REEP1: variants seen among roughly 807,000 people sequenced by gnomAD.
REEP1 encodes receptor expression-enhancing protein 1.
REEP1 carries 22 observed loss-of-function variants against 40.3 expected under a neutral mutation model. The observed-to-expected ratio is 0.55, with a 90% confidence interval of 0.39 to 0.78. The LOEUF is 0.78. Ranked by LOEUF, REEP1 falls within the 30% of genes least tolerant of loss-of-function variation. The pLI, the probability that REEP1 is intolerant of heterozygous loss-of-function variation, is 0.00. For synonymous variants in REEP1, 116 were observed against 139.2 expected, an observed-to-expected ratio of 0.83 and a Z score of 1.17; for missense variants, 280 against 361.1, an observed-to-expected ratio of 0.78 and a Z score of 1.82.
At chr2:86,218,066 C>T (rs999955743) in intron 8 of REEP1, among the ~76,000 whole-genome samples, 1 of 152,244 alleles carries the variant, frequency 6.6e-6, no homozygotes, top group South Asian at 2.1e-4. Context: ...CCATTCATGC[C>T]TCTATTCCTT....
At chr2:86,297,866 C>T (rs1490878234) in intron 1 of REEP1, 6 of 225,740 alleles carry the variant, frequency 2.7e-5, no homozygotes, top group Non-Finnish European at 4.4e-5. Flanking sequence ...AAACAACTGA[C>T]AAGTTCACAC....
At chr2:86,295,178 C>G (rs1488230786) in intron 1 of REEP1, among the ~76,000 whole-genome samples, 1 of 152,252 alleles carries the variant, frequency 6.6e-6, no homozygotes, top group Non-Finnish European at 1.5e-5. Flanking sequence ...ACAAATGCAG[C>G]TCGCAGCTGC....
chr2:86,246,770 C>T (rs1474357331), intron 5 of REEP1, among the ~76,000 whole-genome samples: 3 of 145,238 alleles, frequency 2.1e-5, no homozygotes, highest in South Asian at 2.2e-4. Flanking sequence ...GGTGTGATCT[C>T]GGCTTACCGC....
intron 3 of REEP1, among the ~76,000 whole-genome samples, chr2:86,259,566 T>C (rs1676748428): frequency 6.6e-6 from 1 of 151,862 alleles, no homozygotes; most frequent in Admixed American, 6.6e-5. Context: ...TTTGTATTTT[T>C]TAGTAGAAAC....
At chr2:86,217,959 C>T (rs1451967034) in intron 8 of REEP1, among the ~76,000 whole-genome samples, 1 of 152,068 alleles carries the variant, frequency 6.6e-6, no homozygotes, top group African/African-American at 2.4e-5. Context: ...TGGCACAGCA[C>T]TTGAGGGGGT....
intron 2 of REEP1, among the ~76,000 whole-genome samples, chr2:86,278,195 C>T (rs574711182): frequency 2.0e-5 from 3 of 152,288 alleles, no homozygotes; most frequent in South Asian, 2.1e-4. Flanking sequence ...GAACTCATGA[C>T]CAGTTGCATG....
chr2:86,271,929 A>C (rs769268624), intron 2 of REEP1, among the ~76,000 whole-genome samples: 8 of 152,152 alleles, frequency 5.3e-5, no homozygotes, highest in Non-Finnish European at 1.2e-4. Flanking sequence ...AATTTTAAAA[A>C]TCCCTCTCCT....
rs191458661 is a variant in REEP1 at position 86,322,761 on chromosome 2, T to C, written c.32+14718A>G. Among the ~76,000 whole-genome samples the C allele has an allele frequency of 2.6e-3, 392 of 152,158 alleles. 3 individuals are homozygous for C. The highest frequency in any genetic ancestry group is 8.9e-3 in the African/African-American group (370 of 41,514). On this transcript the variant is annotated intron_variant, in intron 1 of 8. Transcript: ENST00000538924. The stretch of plus-strand genomic sequence containing the variant: ...TAGTCACTGCACCTGGCCCCCAATT[T>C]TTTTTTTAATTATCTGGGCGTGGTG...
intron 1 of REEP1, among the ~76,000 whole-genome samples, chr2:86,332,241 C>A (rs1217239969): frequency 1.3e-5 from 2 of 152,064 alleles, no homozygotes; most frequent in African/African-American, 4.8e-5. Flanking sequence ...AGGAGAACAT[C>A]CTTAGTGCCC....
chr2:86,230,163 TG>T (rs1011562675), intron 6 of REEP1, among the ~76,000 whole-genome samples: 1 of 152,244 alleles, frequency 6.6e-6, no homozygotes, highest in Non-Finnish European at 1.5e-5. Context: ...TCATCACCTC[TG>T]CTCATGGAGA....
intron 3 of REEP1, among the ~76,000 whole-genome samples, chr2:86,262,576 C>T (rs1459248408): frequency 6.6e-6 from 1 of 152,218 alleles, no homozygotes; most frequent in Admixed American, 6.5e-5. Context: ...TGACTCAAAA[C>T]AGGATTCAGA....
chr2:86,255,214 C>A (rs1243553229), intron 3 of REEP1, among the ~76,000 whole-genome samples: 1 of 152,156 alleles, frequency 6.6e-6, no homozygotes, highest in African/African-American at 2.4e-5. Context: ...ACTCACTCTT[C>A]ACTCACATCC....
chr2:86,224,791 A>G (rs1055531750), intron 7 of REEP1, among the ~76,000 whole-genome samples: 1 of 152,206 alleles, frequency 6.6e-6, no homozygotes, highest in South Asian at 2.1e-4. Context: ...AGTTCCTACA[A>G]TCAACCACAG....
At chr2:86,218,958 G>A (rs986946175) in intron 8 of REEP1, among the ~76,000 whole-genome samples, 2 of 152,238 alleles carry the variant, frequency 1.3e-5, no homozygotes, top group East Asian at 1.9e-4. Context: ...CTCTCAGGCC[G>A]TGATACTCAG....
intron 1 of REEP1, among the ~76,000 whole-genome samples, chr2:86,328,802 C>T (rs1278769397): frequency 2.0e-5 from 3 of 152,230 alleles, no homozygotes; most frequent in African/African-American, 7.2e-5. Flanking sequence ...GGGAAGCATG[C>T]AGGTGAGCAG....
chr2:86,332,255 T>C (rs745577891), intron 1 of REEP1, among the ~76,000 whole-genome samples: 11 of 152,070 alleles, frequency 7.2e-5, no homozygotes, highest in Non-Finnish European at 1.3e-4. Context: ...AGTGCCCAAG[T>C]GCACCCCCCT....
intron 5 of REEP1, among the ~76,000 whole-genome samples, chr2:86,244,685 G>A (rs1214809123): frequency 1.3e-5 from 2 of 152,218 alleles, no homozygotes; most frequent in Admixed American, 6.5e-5. Flanking sequence ...GGTAAGGAGG[G>A]GTGGGTGTCC....
chr2:86,275,440 T>G (rs1007833364), intron 2 of REEP1, among the ~76,000 whole-genome samples: 6 of 152,216 alleles, frequency 3.9e-5, no homozygotes, highest in Non-Finnish European at 8.8e-5. Flanking sequence ...CAGCACACCT[T>G]TCATATGCAA....
intron 1 of REEP1, among the ~76,000 whole-genome samples, chr2:86,336,177 C>T (rs1681022215): frequency 6.6e-6 from 1 of 152,196 alleles, no homozygotes; most frequent in Non-Finnish European, 1.5e-5. Flanking sequence ...GCTCTGCCAG[C>T]AGAAATCTTC....
Sources: gnomAD v4.1 joint callset for allele counts (sites outside exome capture counted in the v4.1 genomes callset) on GRCh38, gnomAD v4.1.1 for gene constraint, MANE v1.5 for transcripts, NCBI Gene and HGNC (gene_info 2026-07-23, HGNC 2026-07-21) for gene names.